The following WWOX variants were observed in gnomAD, a reference collection of about 807,000 sequenced individuals.
The protein encoded by WWOX is WW domain-containing oxidoreductase.
Under a neutral mutation model 46.2 loss-of-function variants are expected in WWOX, and 69 were observed. The ratio of observed to expected loss-of-function variants is 1.49; its 90% CI spans 1.23 to 1.82. The LOEUF is 1.82. Ranked by LOEUF, WWOX falls within the 40% of genes most tolerant of loss-of-function variation. The pLI is 0.00. For missense variants in WWOX, 919 were observed against 542.6 expected, an observed-to-expected ratio of 1.69 and a Z score of -6.89; for synonymous variants, 359 against 202.6, an observed-to-expected ratio of 1.77 and a Z score of -6.56.
intron 8 of WWOX, among the ~76,000 whole-genome samples, chr16:79,104,318 A>G (rs1042001952): frequency 3.3e-5 from 5 of 152,180 alleles, no homozygotes; most frequent in Non-Finnish European, 4.4e-5. Flanking sequence ...TATTACTGTT[A>G]TTTCATAAGA....
chr16:78,364,264 G>C (rs2081481237), intron 5 of WWOX, among the ~76,000 whole-genome samples: 2 of 152,292 alleles, frequency 1.3e-5, no homozygotes, highest in South Asian at 4.1e-4. Flanking sequence ...TATTTTAATA[G>C]TTACTCTACT....
At chr16:78,917,465 A>C (rs1429782330) in intron 8 of WWOX, among the ~76,000 whole-genome samples, 1 of 151,384 alleles carries the variant, frequency 6.6e-6, no homozygotes, top group African/African-American at 2.4e-5. Context: ...GTAGCTACCT[A>C]CCCCGAGAGC....
At chr16:79,054,568 T>A (rs2048227949) in intron 8 of WWOX, among the ~76,000 whole-genome samples, 2 of 152,178 alleles carry the variant, frequency 1.3e-5, no homozygotes, top group South Asian at 4.1e-4. Context: ...ACACCTGTAA[T>A]CTCCACACTT....
At chr16:78,199,131 G>T (rs2036150280) in intron 5 of WWOX, among the ~76,000 whole-genome samples, 2 of 152,080 alleles carry the variant, frequency 1.3e-5, no homozygotes, top group South Asian at 4.2e-4. Context: ...GGCTAACACG[G>T]TGAAACCCCG....
At chr16:78,854,492 G>C (rs1399332137) in intron 8 of WWOX, among the ~76,000 whole-genome samples, 5 of 152,114 alleles carry the variant, frequency 3.3e-5, no homozygotes, top group Non-Finnish European at 5.9e-5. Context: ...TTTTACTTCT[G>C]CCTATGCATC....
chr16:79,125,899 C>A (rs189553595), intron 8 of WWOX, among the ~76,000 whole-genome samples: 1 of 152,196 alleles, frequency 6.6e-6, no homozygotes, highest in African/African-American at 2.4e-5. Flanking sequence ...GGCGTGGTTT[C>A]TTTACTATCT....
At chr16:78,862,246 GGGTGTGTCTGTCTGTACCTATA>G (rs2043903902) in intron 8 of WWOX, among the ~76,000 whole-genome samples, 1 of 150,398 alleles carries the variant, frequency 6.6e-6, no homozygotes, top group South Asian at 2.1e-4. Context: ...ACACACCTAT[GGGTGTGTCTGTCTGTACCTATA>G]CACACCTATG....
chr16:78,876,305 G>T (rs1242832048), intron 8 of WWOX, among the ~76,000 whole-genome samples: 1 of 151,300 alleles, frequency 6.6e-6, no homozygotes, highest in Non-Finnish European at 1.5e-5. Flanking sequence ...CTAAGTGATG[G>T]CTGCTTATGG....
At chr16:78,991,864 G>C (rs1016629205) in intron 8 of WWOX, among the ~76,000 whole-genome samples, 4 of 152,004 alleles carry the variant, frequency 2.6e-5, no homozygotes, top group Non-Finnish European at 5.9e-5. Context: ...TGTCCATGTG[G>C]GGCCCTGTGG....
At chr16:78,999,362 C>G (rs1002651640) in intron 8 of WWOX, among the ~76,000 whole-genome samples, 2 of 151,990 alleles carry the variant, frequency 1.3e-5, no homozygotes, top group African/African-American at 2.4e-5. Flanking sequence ...CCCAGCTACT[C>G]GAGAGGCTGA....
In WWOX at chr16:78,954,163, T is replaced by C. The variant is rs138050102; in HGVS notation, c.1057-257445T>C. Reference sequence around the variant, plus strand: ...AAAATGTCTGTCAGAGTAGGCATGATTGCATATTCTTTAGATGGATGGGTG... The same window carrying C: ...AAAATGTCTGTCAGAGTAGGCATGACTGCATATTCTTTAGATGGATGGGTG... On this transcript the variant is annotated intron_variant, in intron 8 of 8. Transcript: ENST00000566780. 2.2e-4 allele frequency among the ~76,000 whole-genome samples: 34 copies of C among 152,326 alleles called. No homozygotes were observed. The East Asian group carries it at 6.0e-3, about 27-fold the overall frequency.
At chr16:79,164,328 A>C (rs886433737) in intron 8 of WWOX, among the ~76,000 whole-genome samples, 1 of 152,078 alleles carries the variant, frequency 6.6e-6, no homozygotes, top group African/African-American at 2.4e-5. Flanking sequence ...TAAAACGGGG[A>C]GATGGCCATG....
intron 5 of WWOX, among the ~76,000 whole-genome samples, chr16:78,211,991 A>T (rs1320061164): frequency 6.6e-6 from 1 of 152,212 alleles, no homozygotes; most frequent in Admixed American, 6.5e-5. Flanking sequence ...CATGGTACAT[A>T]ATCATGGGAG....
At chr16:78,324,100 G>A (rs2080553711) in intron 5 of WWOX, among the ~76,000 whole-genome samples, 1 of 152,004 alleles carries the variant, frequency 6.6e-6, no homozygotes, top group South Asian at 2.1e-4. Context: ...AGCTTGAAGT[G>A]GCAAGGATGG....
At chr16:79,128,867 G>A (rs1343443954) in intron 8 of WWOX, among the ~76,000 whole-genome samples, 1 of 152,134 alleles carries the variant, frequency 6.6e-6, no homozygotes, top group African/African-American at 2.4e-5. Context: ...TGATTCAGTT[G>A]CCCAAGCAGT....
At chr16:78,457,278 C>G (rs1371155653) in intron 8 of WWOX, among the ~76,000 whole-genome samples, 1 of 152,144 alleles carries the variant, frequency 6.6e-6, no homozygotes, top group Admixed American at 6.5e-5. Flanking sequence ...TGCAAATATT[C>G]CATTGCACGA....
chr16:78,834,616 C>T (rs1166296747), intron 8 of WWOX, among the ~76,000 whole-genome samples: 1 of 152,146 alleles, frequency 6.6e-6, no homozygotes, highest in Non-Finnish European at 1.5e-5. Flanking sequence ...TAGTTTGTTG[C>T]AGATGAAGAC....
chr16:79,045,196 A>G (rs1421421069), intron 8 of WWOX, among the ~76,000 whole-genome samples: 2 of 152,224 alleles, frequency 1.3e-5, no homozygotes, highest in Admixed American at 1.3e-4. Context: ...ATTATGCATT[A>G]GAACCAAGTT....
At chr16:78,610,627 C>G (rs184824763) in intron 8 of WWOX, among the ~76,000 whole-genome samples, 10 of 151,994 alleles carry the variant, frequency 6.6e-5, no homozygotes, top group Admixed American at 4.6e-4. Flanking sequence ...CTGTTTATAT[C>G]TGTTGCCCCT....
Sources: allele counts gnomAD v4.1 joint callset (sites outside exome capture counted in the v4.1 genomes callset), GRCh38; gene constraint gnomAD v4.1.1; transcripts MANE v1.5; gene names NCBI Gene and HGNC (gene_info 2026-07-23, HGNC 2026-07-21).